Variants in ADGRL2 observed in about 807,000 individuals in gnomAD.
The protein encoded by ADGRL2 is adhesion G protein-coupled receptor L2.
ADGRL2 carries 44 observed loss-of-function variants against 157.4 expected under a neutral mutation model. The ratio of observed to expected loss-of-function variants is 0.28; its 90% CI spans 0.22 to 0.36. The LOEUF (loss-of-function observed/expected upper bound fraction) is 0.36, where lower values mean the gene tolerates loss of function less well. ADGRL2 is among the 10% of genes least tolerant of loss of function. ADGRL2 has a pLI of 1.00. For missense variants in ADGRL2, 1,510 were observed against 1,768.9 expected (o/e 0.85, Z 2.63); for synonymous variants, 585 against 624.7 (o/e 0.94, Z 0.95).
At chr1:81,558,509 C>T (rs146750430) in intron 2 of ADGRL2, among the ~76,000 whole-genome samples, 1 of 152,146 alleles carries the variant, frequency 6.6e-6, no homozygotes, top group Non-Finnish European at 1.5e-5. Context: ...TTGACAATGC[C>T]TTCAAGGCCA....
chr1:81,736,265 T>A (rs2084899049), intron 1 of ADGRL2, among the ~76,000 whole-genome samples: 1 of 152,122 alleles, frequency 6.6e-6, no homozygotes, highest in Non-Finnish European at 1.5e-5. Flanking sequence ...AATTAATGAT[T>A]TTGTGCTTAA....
At chr1:81,628,044 A>G (rs917341973) in intron 3 of ADGRL2, among the ~76,000 whole-genome samples, 2 of 152,146 alleles carry the variant, frequency 1.3e-5, no homozygotes, top group Non-Finnish European at 2.9e-5. Context: ...CTGCTCTTTC[A>G]ATGTCACCTT....
intron 2 of ADGRL2, among the ~76,000 whole-genome samples, chr1:81,553,973 A>G (rs1261255019): frequency 6.6e-6 from 1 of 152,188 alleles, no homozygotes; most frequent in African/African-American, 2.4e-5. Flanking sequence ...CCATTTATCT[A>G]AAGGCCCTGT....
At chr1:81,842,246 C>T (rs1277768705) in intron 2 of ADGRL2, among the ~76,000 whole-genome samples, 1 of 149,290 alleles carries the variant, frequency 6.7e-6, no homozygotes, top group Non-Finnish European at 1.5e-5. Context: ...CCAGTTGTTT[C>T]TTGGGAGTTA....
intron 1 of ADGRL2, among the ~76,000 whole-genome samples, chr1:81,391,051 C>T (rs922215293): frequency 8.5e-5 from 13 of 152,292 alleles, no homozygotes; most frequent in Non-Finnish European, 1.3e-4. Context: ...TTGGTAACTA[C>T]TGAGTTAGAA....
intron 2 of ADGRL2, among the ~76,000 whole-genome samples, chr1:81,776,703 A>G (rs1413378454): frequency 6.6e-6 from 1 of 152,212 alleles, no homozygotes; most frequent in Non-Finnish European, 1.5e-5. Context: ...ACATATACAT[A>G]CACAATACAA....
intron 1 of ADGRL2, chr1:81,722,757 A>G (rs1212450238): frequency 1.2e-5 from 10 of 829,050 alleles, no homozygotes; most frequent in Admixed American, 1.8e-5. Context: ...AGAAGGCTCA[A>G]GAAGAGCATG....
At chr1:81,397,552 C>T (rs1298099882) in intron 1 of ADGRL2, among the ~76,000 whole-genome samples, 2 of 152,168 alleles carry the variant, frequency 1.3e-5, no homozygotes, top group South Asian at 2.1e-4. Flanking sequence ...ATCTCCTGAC[C>T]TCGTGATCCA....
chr1:81,888,774 T>C (rs2094192211), intron 2 of ADGRL2, among the ~76,000 whole-genome samples: 1 of 152,094 alleles, frequency 6.6e-6, no homozygotes, highest in Non-Finnish European at 1.5e-5. Context: ...AAATTGAAGG[T>C]TTATGGAAAC....
chr1:81,565,719 T>A (rs755425339), intron 2 of ADGRL2, among the ~76,000 whole-genome samples: 1 of 152,112 alleles, frequency 6.6e-6, no homozygotes, highest in Non-Finnish European at 1.5e-5. Flanking sequence ...CTACATGGAG[T>A]GTAGGCCCCT....
intron 2 of ADGRL2, among the ~76,000 whole-genome samples, chr1:81,779,458 C>A (rs10493702): frequency 6.6e-6 from 1 of 151,898 alleles, no homozygotes; most frequent in Non-Finnish European, 1.5e-5. Context: ...CTTTATTGAT[C>A]GCCCTCCTCA....
At chr1:81,575,072 A>G (rs1044322859) in intron 2 of ADGRL2, among the ~76,000 whole-genome samples, 1 of 152,208 alleles carries the variant, frequency 6.6e-6, no homozygotes, top group Non-Finnish European at 1.5e-5. Flanking sequence ...AAGTCAATCC[A>G]TACAATACCT....
intron 2 of ADGRL2, among the ~76,000 whole-genome samples, chr1:81,465,681 T>C (rs1245060516): frequency 6.6e-6 from 1 of 152,228 alleles, no homozygotes; most frequent in Admixed American, 6.5e-5. Flanking sequence ...TGCCTTTGTG[T>C]CACTGAACTT....
At position 81,990,402 on chromosome 1, in the gene ADGRL2, A is replaced by G; in HGVS notation, c.3667A>G (p.Asn1223Asp). ...CTCTTCTGTTTCAGGACATTCACTG[A>G]ACAATGCCAGGGATACAAGTGCCAT... ...ATYRETRHSL[N>D]NARDTSAMDT... Residue 1223 changes from asparagine to aspartate, a missense_variant, in exon 24 of 24, where the codon AAC (asparagine) becomes GAC (aspartate). Asn to Asp is a conservative substitution (Grantham distance 23, BLOSUM62 1). Transcript: ENST00000686636. The G allele has an allele frequency of 6.2e-7, 1 of 1,613,278 alleles. No individual in the cohort carries two copies. The highest frequency in any genetic ancestry group is 1.1e-5 in the South Asian group (1 of 91,048).
At chr1:81,796,069 C>T (rs1313423071), upstream of ADGRL2, among the ~76,000 whole-genome samples, 1 of 152,194 alleles carries the variant, frequency 6.6e-6, no homozygotes, top group Non-Finnish European at 1.5e-5. Flanking sequence ...CGGCTCACTG[C>T]AACCTCTGAC....
chr1:81,675,014 C>A (rs889471009), intron 3 of ADGRL2, among the ~76,000 whole-genome samples: 25 of 152,136 alleles, frequency 1.6e-4, no homozygotes, highest in Non-Finnish European at 2.8e-4. Flanking sequence ...AGATTTCAGG[C>A]CAGGTGCAAG....
At chr1:81,692,169 G>A (rs1398424885) in intron 3 of ADGRL2, among the ~76,000 whole-genome samples, 1 of 151,890 alleles carries the variant, frequency 6.6e-6, no homozygotes, top group Non-Finnish European at 1.5e-5. Context: ...CACTTTGGGA[G>A]GCCAAGGCGG....
At chr1:81,467,354 C>A (rs1251548158) in intron 2 of ADGRL2, among the ~76,000 whole-genome samples, 1 of 152,164 alleles carries the variant, frequency 6.6e-6, no homozygotes, top group Non-Finnish European at 1.5e-5. Context: ...TTTAAAACAA[C>A]TAGCATCCAA....
intron 1 of ADGRL2, among the ~76,000 whole-genome samples, chr1:81,343,352 A>G (rs1158492569): frequency 6.6e-6 from 1 of 151,714 alleles, no homozygotes; most frequent in African/African-American, 2.4e-5. Flanking sequence ...AGCCTCCCAA[A>G]GTACTGGGAT....
Sources: allele counts gnomAD v4.1 joint callset (sites outside exome capture counted in the v4.1 genomes callset), GRCh38; gene constraint gnomAD v4.1.1; transcripts MANE v1.5; gene names NCBI Gene and HGNC (gene_info 2026-07-23, HGNC 2026-07-21).